HTD2: variants seen among roughly 807,000 people sequenced by gnomAD.
The protein encoded by HTD2 is hydroxyacyl-thioester dehydratase type 2.
HTD2 carries 1 observed loss-of-function variant against 3.1 expected under a neutral mutation model. The observed-to-expected ratio is 0.32, with a 90% confidence interval of 0.11 to 1.52. The LOEUF (loss-of-function observed/expected upper bound fraction) is 1.52, where lower values mean the gene tolerates loss of function less well. HTD2 is among the 40% of genes most tolerant of loss of function. The pLI is 0.39. For synonymous variants in HTD2, 50 were observed against 28.9 expected, an observed-to-expected ratio of 1.73 and a Z score of -2.34; for missense variants, 150 against 79.6, an observed-to-expected ratio of 1.88 and a Z score of -3.36.
At position 58,319,604 on chromosome 3, in the gene HTD2, CATT is replaced by C. The variant is rs781188630; in HGVS notation, c.*1490_*1492del. 17 of 150,440 alleles carry C rather than the reference CATT, an allele frequency of 1.1e-4. No homozygotes were observed. The highest frequency in any genetic ancestry group is 2.7e-4 in the Admixed American group (4 of 14,986). The allele number at this position is 150,440 out of a possible 1,614,324, so 9.3% of individuals were successfully genotyped here. On this transcript the variant is annotated 3_prime_UTR_variant, in exon 5 of 5. Coordinates refer to ENST00000461393, the MANE Select transcript of HTD2 (RefSeq NM_001348712.2). ...TCCTTGAAAATTTGGATCTACCTCC[CATT>C]ATTATGAGTAATACATGCTTATAGT...
In HTD2 at chr3:58,319,939, T is replaced by C. The variant is rs939402506; in HGVS notation, c.*1819T>C. The C allele has an allele frequency of 6.6e-6, 1 of 152,208 alleles. No homozygotes were observed. Among genetic ancestry groups the C allele is most frequent in the Non-Finnish European group, 1.5e-5 (1 of 68,040 alleles). The allele number at this position is 152,208 out of a possible 1,614,324, so 9.4% of individuals were successfully genotyped here. ...CACCAAATCAATTTTTTATAGCATT[T>C]TTCATCACCCCCAAAAGAACCTCCC... On this transcript the variant is annotated 3_prime_UTR_variant, in exon 5 of 5. Transcript: ENST00000461393.
chr3:58,310,135 A>C (rs907297157), intron 1 of HTD2: 36 of 575,716 alleles, frequency 6.3e-5, no homozygotes, highest in Admixed American at 9.2e-5. Context: ...CGAGAGCCAG[A>C]GGTGGAGGCT....
At position 58,310,376 on chromosome 3, in the gene HTD2, C is replaced by G. The variant is rs1045927264; in HGVS notation, c.-415-131C>G. The G allele has an allele frequency of 6.2e-7, 1 of 1,614,162 alleles. No homozygotes were observed. The highest frequency in any genetic ancestry group is 1.3e-5 in the African/African-American group (1 of 75,038). ...TATGAAAGAGTAGTTTACAAAAACC[C>G]TTCCGAGTACCACTACATGAAAGTC... On this transcript the variant is annotated intron_variant, in intron 1 of 4. Transcript: ENST00000461393.
chr3:58,311,339 G>C lies in HTD2; in HGVS notation c.-331+748G>C, dbSNP rs186837621. 1.1e-4 allele frequency among the ~76,000 whole-genome samples: 16 copies of C among 152,278 alleles called. 1 individual carries two copies. Among genetic ancestry groups the C allele is most frequent in the African/African-American group, 3.8e-4 (16 of 41,574 alleles). On this transcript the variant is annotated intron_variant, in intron 2 of 4. Coordinates refer to ENST00000461393, the MANE Select transcript of HTD2 (RefSeq NM_001348712.2). ...CCAACTAATTTTTGTATTTTTACTA[G>C]AGACAGGGTTTCGTCATGTTGGCCA... is the stretch of plus-strand genomic sequence containing the variant.
intron 1 of HTD2, among the ~76,000 whole-genome samples, chr3:58,309,146 C>T (rs754502001): frequency 6.6e-5 from 10 of 152,172 alleles, no homozygotes; most frequent in Non-Finnish European, 1.3e-4. Context: ...GAACGACCAT[C>T]CCTCATTCTT....
At chr3:58,315,417 TA>T (rs2097487232) in intron 2 of HTD2, among the ~76,000 whole-genome samples, 1 of 152,098 alleles carries the variant, frequency 6.6e-6, no homozygotes, top group Non-Finnish European at 1.5e-5. Flanking sequence ...AAGGGTAGAA[TA>T]AGGGAGTCTT....
intron 2 of HTD2, among the ~76,000 whole-genome samples, chr3:58,312,473 C>G (rs1341542502): frequency 1.3e-5 from 2 of 151,930 alleles, no homozygotes; most frequent in Non-Finnish European, 2.9e-5. Flanking sequence ...TTTGAAATTG[C>G]AGAAGTAAAC....
At chr3:58,307,035 C>G (rs548212959) in intron 1 of HTD2, among the ~76,000 whole-genome samples, 11 of 152,244 alleles carry the variant, frequency 7.2e-5, no homozygotes, top group Admixed American at 1.3e-4. Context: ...GGTGTGAGTC[C>G]GGTGGCTGCC....
intron 1 of HTD2, among the ~76,000 whole-genome samples, chr3:58,306,871 A>G (rs1350709697): frequency 6.6e-6 from 1 of 152,246 alleles, no homozygotes; most frequent in African/African-American, 2.4e-5. Flanking sequence ...GGAAGTACAG[A>G]TAAAGATAAA....
At chr3:58,306,908 G>A (rs1228706420) in intron 1 of HTD2, among the ~76,000 whole-genome samples, 2 of 152,218 alleles carry the variant, frequency 1.3e-5, no homozygotes, top group Non-Finnish European at 2.9e-5. Context: ...CATAGAAAAA[G>A]GCAAATGCTA....
intron 1 of HTD2, chr3:58,307,817 C>T (rs944944111): frequency 2.0e-5 from 3 of 151,626 alleles, no homozygotes; most frequent in South Asian, 4.2e-4. Context: ...GTATCCTCTC[C>T]TTTAATGTCA....
intron 2 of HTD2, among the ~76,000 whole-genome samples, chr3:58,312,960 CAAAAAAAAA>C (rs35853424): frequency 8.9e-5 from 7 of 79,040 alleles, no homozygotes; most frequent in African/African-American, 3.1e-4. Context: ...GACTCTGTCT[CAAAAAAAAA>C]AAAAAAAAAA....
At chr3:58,307,118 GAGAA>G (rs1263147210) in intron 1 of HTD2, among the ~76,000 whole-genome samples, 1 of 152,144 alleles carries the variant, frequency 6.6e-6, no homozygotes, top group Non-Finnish European at 1.5e-5. Context: ...ACTGGCGCGT[GAGAA>G]AGAGCTAGGC....
chr3:58,317,967 A>G lies in HTD2; in HGVS notation c.354A>G (p.Leu118=). 1 of 702,914 alleles carries G rather than the reference A, an allele frequency of 1.4e-6. No individual in the cohort carries two copies. The highest frequency in any genetic ancestry group is 2.6e-6 in the Non-Finnish European group (1 of 384,994). The allele number at this position is 702,914 out of a possible 1,614,324, so 43.5% of individuals were successfully genotyped here. A position where few individuals can be genotyped will look rare whatever the true frequency, so the allele number is the denominator to read the frequency against. Residue 118 remains leucine, a synonymous_variant, in exon 5 of 5, where the codon TTA becomes TTG. Coordinates refer to ENST00000461393, the MANE Select transcript of HTD2 (RefSeq NM_001348712.2). The part of the protein sequence containing the change: ...LSQEISFPAP[L]YIGEVVLASA... ...AGGAAATTAGCTTTCCAGCCCCTTT[A>G]TATATTGGAGAAGTTGTTTTAGCTT...
intron 1 of HTD2, among the ~76,000 whole-genome samples, chr3:58,308,289 T>C (rs2097477904): frequency 6.6e-6 from 1 of 152,018 alleles, no homozygotes; most frequent in Non-Finnish European, 1.5e-5. Context: ...GTATTTTTTG[T>C]TTGTTTGTTT....
chr3:58,310,810 A>G (rs1559793276), intron 2 of HTD2, among the ~76,000 whole-genome samples: 1 of 151,760 alleles, frequency 6.6e-6, no homozygotes, highest in Non-Finnish European at 1.5e-5. Context: ...GGCACCTGTA[A>G]TCCCAGCTAC....
Position 58,317,013 on chromosome 3 carries a change from A to G in HTD2, c.-175+20A>G. 1.9e-6 allele frequency: 3 copies of G among 1,582,926 alleles called. No individual in the cohort carries two copies. The highest frequency in any genetic ancestry group is 1.7e-5 in the Admixed American group (1 of 59,282). On this transcript the variant is annotated intron_variant, in intron 4 of 4. Transcript: ENST00000461393. ...ATTCAGGTAAAGACTATTCCCTCAC[A>G]TATTCCAAACAAGACTGAGTGATGG...
intron 2 of HTD2, among the ~76,000 whole-genome samples, chr3:58,313,231 C>T (rs1453560055): frequency 6.6e-6 from 1 of 152,142 alleles, no homozygotes; most frequent in African/African-American, 2.4e-5. Context: ...TGCACTCCAG[C>T]CTGGGCGACA....
In HTD2 at chr3:58,317,438, A is replaced by G; in HGVS notation, c.-174-2A>G. The G allele has an allele frequency of 6.3e-7, 1 of 1,589,466 alleles. No homozygotes were observed. The highest frequency in any genetic ancestry group is 8.6e-7 in the Non-Finnish European group (1 of 1,159,010). On this transcript the variant is annotated splice_acceptor_variant, in intron 4 of 4. Coordinates refer to ENST00000461393, the MANE Select transcript of HTD2 (RefSeq NM_001348712.2). LOFTEE classifies it low-confidence loss of function (5UTR_SPLICE). Reference sequence around the variant, plus strand: ...GCCTTAACCTTTTTCTTTCTCTTCTAGGTTTCTCCATTTCTTCTTGCATTA... The same window carrying G: ...GCCTTAACCTTTTTCTTTCTCTTCTGGGTTTCTCCATTTCTTCTTGCATTA...
Sources: gnomAD v4.1 joint callset for allele counts (sites outside exome capture counted in the v4.1 genomes callset) on GRCh38, gnomAD v4.1.1 for gene constraint, MANE v1.5 for transcripts, NCBI Gene and HGNC (gene_info 2026-07-23, HGNC 2026-07-21) for gene names.